Variants in GRIK2 observed in about 807,000 individuals in gnomAD.
The protein encoded by GRIK2 is glutamate receptor ionotropic, kainate 2.
Under a neutral mutation model 100.3 loss-of-function variants are expected in GRIK2, and 32 were observed. The observed-to-expected ratio is 0.32, with a 90% CI of 0.24 to 0.43. The LOEUF is 0.43. Among genes scored for constraint, GRIK2 ranks in the 20% least tolerant of loss-of-function variants. The probability of loss-of-function intolerance (pLI) is 1.00; values close to 1 mark genes in which losing one functional copy is unlikely to be tolerated. For missense variants in GRIK2, 843 were observed against 1,114.9 expected, an observed-to-expected ratio of 0.76 and a Z score of 3.47; for synonymous variants, 417 against 389.4, an observed-to-expected ratio of 1.07 and a Z score of -0.83.
intron 9 of GRIK2, among the ~76,000 whole-genome samples, chr6:101,814,680 C>T (rs73512763): frequency 0.068 from 10,272 of 152,130 alleles, 871 homozygotes; most frequent in African/African-American, 0.2. Flanking sequence ...TGTGCTCAGT[C>T]ATTCTAATTC....
chr6:101,504,677 A>G (rs934171437), intron 2 of GRIK2, among the ~76,000 whole-genome samples: 1 of 152,068 alleles, frequency 6.6e-6, no homozygotes, highest in African/African-American at 2.4e-5. Context: ...CATATTACAT[A>G]AAATACTCTG....
chr6:101,746,729 C>T (rs1776441519), intron 7 of GRIK2, among the ~76,000 whole-genome samples: 1 of 152,164 alleles, frequency 6.6e-6, no homozygotes, highest in Admixed American at 6.5e-5. Context: ...TTCACTTCCA[C>T]TTTCTAATAT....
intron 14 of GRIK2, among the ~76,000 whole-genome samples, chr6:101,979,439 T>C (rs1017929679): frequency 2.0e-5 from 3 of 151,940 alleles, no homozygotes; most frequent in African/African-American, 7.2e-5. Flanking sequence ...ACTTATCTGT[T>C]AAAGGTGGAA....
intron 14 of GRIK2, among the ~76,000 whole-genome samples, chr6:101,996,554 G>C (rs1302860969): frequency 1.3e-5 from 2 of 151,978 alleles, no homozygotes; most frequent in Non-Finnish European, 2.9e-5. Context: ...TTTGTTCAGA[G>C]CACTTAAACA....
intron 10 of GRIK2, among the ~76,000 whole-genome samples, chr6:101,825,589 C>T (rs182044041): frequency 4.7e-5 from 7 of 149,972 alleles, no homozygotes; most frequent in Middle Eastern, 3.5e-3. Flanking sequence ...AAATTAACTA[C>T]CATGATGAAG....
At chr6:101,709,195 A>G (rs1773539726) in intron 7 of GRIK2, among the ~76,000 whole-genome samples, 1 of 151,768 alleles carries the variant, frequency 6.6e-6, no homozygotes, top group African/African-American at 2.4e-5. Context: ...ACTGCAAGCC[A>G]ATGAGTAGTA....
intron 2 of GRIK2, among the ~76,000 whole-genome samples, chr6:101,464,590 C>T (rs1353032724): frequency 9.1e-5 from 12 of 131,406 alleles, no homozygotes; most frequent in African/African-American, 3.1e-4. Flanking sequence ...CATCTCGGCT[C>T]GCTGCAAGCT....
intron 2 of GRIK2, among the ~76,000 whole-genome samples, chr6:101,515,365 T>A (rs1363272990): frequency 1.3e-5 from 2 of 152,148 alleles, no homozygotes; most frequent in African/African-American, 4.8e-5. Flanking sequence ...TGAATTGTGC[T>A]GCTATAAACA....
chr6:101,399,882 C>G (rs1775193572), intron 2 of GRIK2, among the ~76,000 whole-genome samples: 1 of 152,228 alleles, frequency 6.6e-6, no homozygotes, highest in Non-Finnish European at 1.5e-5. Flanking sequence ...AGGTACTAAC[C>G]CTTTTGATTT....
intron 13 of GRIK2, among the ~76,000 whole-genome samples, chr6:101,926,230 T>C (rs1328627894): frequency 2.0e-5 from 3 of 149,200 alleles, no homozygotes; most frequent in Non-Finnish European, 4.5e-5. Context: ...CCCTTAGGCT[T>C]ACTCTACCCT....
chr6:101,521,418 G>T (rs1774878180), intron 2 of GRIK2, among the ~76,000 whole-genome samples: 1 of 151,762 alleles, frequency 6.6e-6, no homozygotes, highest in South Asian at 2.1e-4. Flanking sequence ...GAAATTATTT[G>T]TTTCAGAAAT....
rs528603484 is a variant in GRIK2, at chr6:101,631,423, G to C, written c.541+4786G>C. 1.8e-4 allele frequency among the ~76,000 whole-genome samples: 27 copies of C among 152,100 alleles called. No individual in the cohort carries two copies. In the South Asian group the frequency reaches 5.6e-3, roughly 32 times the overall value. On this transcript the variant is annotated intron_variant, in intron 4 of 16. Coordinates refer to ENST00000369134, the MANE Select transcript of GRIK2 (RefSeq NM_021956.5). ...TCCCAGTTTTGCTACTAAATTACTG[G>C]TACAACTTCAGAAAATACAAGAAGG...
At chr6:101,795,319 G>C (rs538699312) in intron 7 of GRIK2, among the ~76,000 whole-genome samples, 2 of 152,330 alleles carry the variant, frequency 1.3e-5, no homozygotes, top group African/African-American at 4.8e-5. Context: ...AGTGGTGTCT[G>C]TGATTTCCGT....
intron 9 of GRIK2, among the ~76,000 whole-genome samples, chr6:101,809,163 G>A (rs1329801389): frequency 6.6e-6 from 1 of 151,756 alleles, no homozygotes; most frequent in Non-Finnish European, 1.5e-5. Context: ...GCATCCACCA[G>A]TATAGAGACT....
intron 14 of GRIK2, among the ~76,000 whole-genome samples, chr6:101,994,414 T>C (rs1248325254): frequency 6.6e-6 from 1 of 151,826 alleles, no homozygotes. Flanking sequence ...CAAGCAATAA[T>C]AGTGAATAAT....
intron 2 of GRIK2, among the ~76,000 whole-genome samples, chr6:101,469,509 T>A (rs2788280): frequency 0.23 from 35,048 of 152,124 alleles, 4,616 homozygotes; most frequent in East Asian, 0.31. Context: ...TGATATCTAA[T>A]ATTTACTTGT....
intron 2 of GRIK2, among the ~76,000 whole-genome samples, chr6:101,474,510 C>T (rs974741404): frequency 6.6e-6 from 1 of 151,782 alleles, no homozygotes; most frequent in Non-Finnish European, 1.5e-5. Context: ...AAATATTTGA[C>T]TTATGAGAAG....
intron 12 of GRIK2, among the ~76,000 whole-genome samples, chr6:101,910,615 G>T (rs1461159285): frequency 6.6e-6 from 1 of 151,156 alleles, no homozygotes; most frequent in Non-Finnish European, 1.5e-5. Flanking sequence ...GTATATTTGA[G>T]CATGTTGTAC....
At chr6:101,627,660 T>C (rs1780526177) in intron 4 of GRIK2, among the ~76,000 whole-genome samples, 1 of 152,296 alleles carries the variant, frequency 6.6e-6, no homozygotes, top group South Asian at 2.1e-4. Flanking sequence ...TGTGGAACAA[T>C]ATAATATTCA....
Sources: allele counts gnomAD v4.1 joint callset (sites outside exome capture counted in the v4.1 genomes callset), GRCh38; gene constraint gnomAD v4.1.1; transcripts MANE v1.5; gene names NCBI Gene and HGNC (gene_info 2026-07-23, HGNC 2026-07-21).